Variants in TVP23C observed in about 807,000 individuals in gnomAD.
The protein encoded by TVP23C is trans-golgi network vesicle protein 23 homolog C.
In TVP23C, 19 loss-of-function variants were observed where a neutral mutation model predicts 28.7. That is an observed-to-expected ratio of 0.66 (90% CI 0.46 to 0.97). TVP23C has a LOEUF of 0.97. Among genes scored for constraint, TVP23C ranks in the 50% least tolerant of loss-of-function variants. TVP23C has a pLI of 0.00. For missense variants in TVP23C, 186 were observed against 241.3 expected, an observed-to-expected ratio of 0.77 and a Z score of 1.52; for synonymous variants, 68 against 81.7, an observed-to-expected ratio of 0.83 and a Z score of 0.90.
At chr17:15,513,259 T>C (rs967642915) in intron 5 of TVP23C, among the ~76,000 whole-genome samples, 3 of 152,194 alleles carry the variant, frequency 2.0e-5, no homozygotes, top group Non-Finnish European at 4.4e-5. Context: ...TTTAAAAACA[T>C]GCATTTTTAA....
At chr17:15,549,353 C>T (rs1172164064) in intron 3 of TVP23C, among the ~76,000 whole-genome samples, 1 of 152,134 alleles carries the variant, frequency 6.6e-6, no homozygotes, top group African/African-American at 2.4e-5. Flanking sequence ...AATAGTGATT[C>T]CAGGCCCCAC....
downstream of TVP23C, among the ~76,000 whole-genome samples, chr17:15,532,380 T>C (rs1982983395): frequency 6.6e-6 from 1 of 152,148 alleles, no homozygotes. Context: ...GACAAATCTC[T>C]GGGGATGGGG....
At chr17:15,545,330 G>C (rs565163019) in intron 5 of TVP23C, among the ~76,000 whole-genome samples, 4 of 152,314 alleles carry the variant, frequency 2.6e-5, no homozygotes, top group African/African-American at 9.6e-5. Flanking sequence ...GAGAGGCCAT[G>C]GGACCTCATG....
At chr17:15,542,587 C>T (rs192949072) in intron 5 of TVP23C, among the ~76,000 whole-genome samples, 1 of 152,218 alleles carries the variant, frequency 6.6e-6, no homozygotes. Flanking sequence ...CTCCATTCTC[C>T]TGCCTCAGCC....
In TVP23C at chr17:15,538,719, A is replaced by G. The variant is rs527930221; in HGVS notation, c.*1693T>C. The stretch of plus-strand genomic sequence containing the variant: ...GGATACCATGTAAGACACTAACCCT[A>G]TCCATGTTATGCCAGGTTTAAGGTT... On this transcript the variant is annotated 3_prime_UTR_variant, in exon 6 of 6. Coordinates refer to ENST00000518321, the MANE Select transcript of TVP23C (RefSeq NM_001135036.2). 174 of 985,310 alleles carry G rather than the reference A, an allele frequency of 1.8e-4. No individual in the cohort carries two copies. Among genetic ancestry groups the G allele is most frequent in the Admixed American group, 2.5e-4 (4 of 16,266 alleles). 61.0% of individuals were successfully genotyped at this position (985,310 alleles called of 1,614,324 possible). A position where few individuals can be genotyped will look rare whatever the true frequency, so the allele number is the denominator to read the frequency against.
chr17:15,509,311 G>T (rs1981902451), intron 5 of TVP23C, among the ~76,000 whole-genome samples: 1 of 152,220 alleles, frequency 6.6e-6, no homozygotes, highest in African/African-American at 2.4e-5. Flanking sequence ...CCCCTTAGTT[G>T]CTGGACCAAG....
exon 6 of TVP23C, chr17:15,502,758 C>T: frequency 7.1e-7 from 1 of 1,400,094 alleles, no homozygotes; most frequent in East Asian, 2.6e-5. Flanking sequence ...CCGTCTCTTT[C>T]TCTCCTTCTC....
At chr17:15,554,899 T>C (rs1984061208) in intron 2 of TVP23C, among the ~76,000 whole-genome samples, 1 of 152,254 alleles carries the variant, frequency 6.6e-6, no homozygotes, top group African/African-American at 2.4e-5. Flanking sequence ...GAATTTGCTT[T>C]CGATAAGTGA....
At chr17:15,559,313 T>TAAA (rs56346847) in intron 1 of TVP23C, among the ~76,000 whole-genome samples, 6,353 of 104,998 alleles carry the variant, frequency 0.061, 338 homozygotes, top group Non-Finnish European at 0.085. Flanking sequence ...GGTACAGATT[T>TAAA]AAAAAAAAAA....
At chr17:15,561,911 C>T (rs1250655947) in intron 1 of TVP23C, among the ~76,000 whole-genome samples, 1 of 152,194 alleles carries the variant, frequency 6.6e-6, no homozygotes, top group East Asian at 1.9e-4. Flanking sequence ...AAGGAGCCAA[C>T]CAAAACCCAC....
intron 5 of TVP23C, among the ~76,000 whole-genome samples, chr17:15,529,729 T>C (rs1457662892): frequency 6.6e-6 from 1 of 152,228 alleles, no homozygotes; most frequent in Non-Finnish European, 1.5e-5. Context: ...TTTCTACCTG[T>C]GTCTTTGAAT....
chr17:15,517,905 A>G lies in TVP23C; in HGVS notation c.463-14673T>C, dbSNP rs536394524. Among the ~76,000 whole-genome samples the G allele has an allele frequency of 1.2e-4, 18 of 152,282 alleles. 1 individual carries two copies. The highest frequency in any genetic ancestry group is 9.2e-4 in the Admixed American group (14 of 15,288). On this transcript the variant is annotated intron_variant, in intron 5 of 5. Transcript: ENST00000225576. ...GCCTCAGCCAGATGCGGTGGCTCAC[A>G]CCTGTAATCCCAGTATTTTGGGAGG...
At chr17:15,521,081 C>G (rs1409259285) in intron 5 of TVP23C, among the ~76,000 whole-genome samples, 1 of 151,806 alleles carries the variant, frequency 6.6e-6, no homozygotes, top group Non-Finnish European at 1.5e-5. Context: ...AAGAGACATA[C>G]AATGTTCATG....
chr17:15,505,455 G>A (rs902101947), intron 5 of TVP23C, among the ~76,000 whole-genome samples: 4 of 152,228 alleles, frequency 2.6e-5, no homozygotes, highest in Non-Finnish European at 4.4e-5. Context: ...TTTCCTTCCT[G>A]TATAACTCAA....
At chr17:15,521,708 T>C (rs996138494) in intron 5 of TVP23C, among the ~76,000 whole-genome samples, 1 of 152,116 alleles carries the variant, frequency 6.6e-6, no homozygotes, top group Non-Finnish European at 1.5e-5. Flanking sequence ...ACATGGGAAA[T>C]AAAAAGAAAT....
chr17:15,546,861 G>C (rs1983667970), intron 4 of TVP23C, among the ~76,000 whole-genome samples, 198 bp downstream of exon 4: 1 of 151,988 alleles, frequency 6.6e-6, no homozygotes, highest in South Asian at 2.1e-4. Flanking sequence ...AAAGGATTCT[G>C]TTCGTATATT....
At chr17:15,516,284 T>C (rs988424903) in intron 5 of TVP23C, 1 of 152,476 alleles carries the variant, frequency 6.6e-6, no homozygotes, top group African/African-American at 2.4e-5. Flanking sequence ...GGGTTGGTTG[T>C]GAAGGAAATC....
At chr17:15,521,460 C>G (rs762245950) in intron 5 of TVP23C, among the ~76,000 whole-genome samples, 1 of 151,944 alleles carries the variant, frequency 6.6e-6, no homozygotes, top group East Asian at 1.9e-4. Flanking sequence ...GCTGAGATTA[C>G]GCCACTGCAC....
chr17:15,516,024 G>A (rs547276655), intron 5 of TVP23C, among the ~76,000 whole-genome samples: 7 of 152,140 alleles, frequency 4.6e-5, no homozygotes, highest in Non-Finnish European at 7.4e-5. Context: ...CAGGTAAGAC[G>A]CGTGCTCCCC....
Sources: gnomAD v4.1 joint callset for allele counts (sites outside exome capture counted in the v4.1 genomes callset) on GRCh38, gnomAD v4.1.1 for gene constraint, MANE v1.5 for transcripts, NCBI Gene and HGNC (gene_info 2026-07-23, HGNC 2026-07-21) for gene names.